RARRES1: variants seen among roughly 807,000 people sequenced by gnomAD.
RARRES1 encodes the protein retinoic acid receptor responder protein 1.
Under a neutral mutation model 30.6 loss-of-function variants are expected in RARRES1, and 34 were observed. The ratio of observed to expected loss-of-function variants is 1.11; its 90% confidence interval spans 0.84 to 1.48. The LOEUF (loss-of-function observed/expected upper bound fraction) is 1.48, where lower values mean the gene tolerates loss of function less well. Among genes scored for constraint, RARRES1 ranks in the 40% most tolerant of loss-of-function variants. The pLI, the probability that RARRES1 is intolerant of heterozygous loss-of-function variation, is 0.00. For synonymous variants in RARRES1, 153 were observed against 155.5 expected, an observed-to-expected ratio of 0.98 and a Z score of 0.12; for missense variants, 373 against 386.5, an observed-to-expected ratio of 0.97 and a Z score of 0.29.
Position 158,697,950 on chromosome 3 carries a change from A to ACATGGGCACCCGCAAAC in RARRES1, c.692_693insGTTTGCGGGTGCCCATG (p.Ile231MetfsTer23). ...GAAGTAGAACAGTATAATCAAAATC[A>ACATGGGCACCCGCAAAC]ATTGTATCATCATTAGTTTTCTAGA... On this transcript the variant is annotated frameshift_variant, in exon 5 of 6. Coordinates refer to ENST00000237696, the MANE Select transcript of RARRES1 (RefSeq NM_206963.2). LOFTEE classifies it high-confidence loss of function. The ACATGGGCACCCGCAAAC allele has an allele frequency of 1.3e-6, 2 of 1,533,378 alleles. No individual in the cohort carries two copies. Among genetic ancestry groups the ACATGGGCACCCGCAAAC allele is most frequent in the Non-Finnish European group, 1.8e-6 (2 of 1,109,558 alleles). The allele number at this position is 1,533,378 out of a possible 1,614,324, so 95.0% of individuals were successfully genotyped here. A position where few individuals can be genotyped will look rare whatever the true frequency, so the allele number is the denominator to read the frequency against.
At position 158,732,191 on chromosome 3, in the gene RARRES1, G is replaced by T; in HGVS notation, c.225C>A (p.Gly75=). Reference sequence around the variant, plus strand: ...CCAGCACTCGTAGCGCGCTGGGCGAGCCGGACCGGAAGTTGAAGAAGTGAA... The same window carrying T: ...CCAGCACTCGTAGCGCGCTGGGCGATCCGGACCGGAAGTTGAAGAAGTGAA... ...AALHFFNFRS[G]SPSALRVLAE... Residue 75 remains glycine (G), a synonymous_variant, in exon 1 of 6, where the codon GGC becomes GGA. Coordinates refer to ENST00000237696, the MANE Select transcript of RARRES1 (RefSeq NM_206963.2). The T allele has an allele frequency of 7.0e-7, 1 of 1,423,452 alleles. No individual in the cohort carries two copies. The highest frequency in any genetic ancestry group is 1.5e-5 in the African/African-American group (1 of 66,950). The allele number at this position is 1,423,452 out of a possible 1,614,324, so 88.2% of individuals were successfully genotyped here. A position where few individuals can be genotyped will look rare whatever the true frequency, so the allele number is the denominator to read the frequency against.
At chr3:158,719,602 A>G (rs1692218840) in intron 1 of RARRES1, among the ~76,000 whole-genome samples, 1 of 151,780 alleles carries the variant, frequency 6.6e-6, no homozygotes, top group Admixed American at 6.6e-5. Flanking sequence ...TTTATAGATG[A>G]TTTTTGGCCC....
chr3:158,699,882 C>G (rs1448373801), intron 4 of RARRES1, among the ~76,000 whole-genome samples: 2 of 152,080 alleles, frequency 1.3e-5, no homozygotes, highest in Non-Finnish European at 2.9e-5. Context: ...GTGTGTTTAG[C>G]CTTGTTAGAC....
In RARRES1 at chr3:158,697,638, G is replaced by C. The variant is rs1420814756; in HGVS notation, c.*40C>G. ...TAGAAGAATGATTTATGCTAGTATA[G>C]TCACTTGTTTAGAAGTCGGAAAAAG... is the stretch of plus-strand genomic sequence containing the variant. On this transcript the variant is annotated 3_prime_UTR_variant, in exon 6 of 6. Transcript: ENST00000237696. 4 of 1,549,642 alleles carry C rather than the reference G, an allele frequency of 2.6e-6. No individual in the cohort carries two copies. Among genetic ancestry groups the C allele is most frequent in the Non-Finnish European group, 3.5e-6 (4 of 1,127,452 alleles).
intron 2 of RARRES1, among the ~76,000 whole-genome samples, chr3:158,712,936 G>A (rs548676073): frequency 3.9e-5 from 6 of 152,270 alleles, no homozygotes; most frequent in East Asian, 1.9e-4. Flanking sequence ...GGCATCTTTC[G>A]TACACTTTAA....
chr3:158,713,965 G>A, intron 1 of RARRES1, 106 bp from the exon 2 acceptor site: 6 of 1,021,252 alleles, frequency 5.9e-6, no homozygotes, highest in Middle Eastern at 2.1e-4. Flanking sequence ...GGTGGCTGTA[G>A]CATTTATACC....
chr3:158,717,981 A>AT (rs10663483), intron 1 of RARRES1, among the ~76,000 whole-genome samples: 27,396 of 144,352 alleles, frequency 0.19, 2,744 homozygotes, highest in Middle Eastern at 0.23. Flanking sequence ...TATTAAGACA[A>AT]TTTTTTTTTT....
At position 158,729,889 on chromosome 3, in the gene RARRES1, C is replaced by T. The variant is rs187853205; in HGVS notation, c.276+2251G>A. Among the ~76,000 whole-genome samples, 911 of 152,290 alleles carry T rather than the reference C, an allele frequency of 6.0e-3. 7 individuals carry two copies. Among genetic ancestry groups the T allele is most frequent in the Non-Finnish European group, 6.3e-3 (431 of 68,020 alleles). On this transcript the variant is annotated intron_variant, in intron 1 of 5. Transcript: ENST00000237696. ...GGTAACCAGGGAGCAAATCCTTAGA[C>T]GCCCCTTCTTTAGGCTCTGGGCATT... is the stretch of plus-strand genomic sequence containing the variant.
In RARRES1 at chr3:158,710,921, C is replaced by A; in HGVS notation, c.352G>T (p.Glu118Ter). The change falls in exon 3 of 6, where the codon GAA becomes TAA. Residue 118 changes from glutamate (E) to a stop codon, truncating the protein, a stop_gained. Transcript: ENST00000237696. LOFTEE classifies it high-confidence loss of function. ...CATTTCCCCAAACGTCCCTCACCTT[C>A]CTGAAGTAAAGACTGTGGAGTTAAA... ...ERYNPESLLQ[E>*]GEGRLGKCSA... 6.2e-7 allele frequency: 1 copy of A among 1,613,852 alleles called. No individual in the cohort carries two copies.
Position 158,726,967 on chromosome 3 carries a change from T to G in RARRES1, c.276+5173A>C, listed in dbSNP as rs151240541. ...ATTCTTGCTCTGAGATCTGGTTGTT[T>G]GAGGGTGTGGCAGCTCCCCACTTGC... On this transcript the variant is annotated intron_variant, in intron 1 of 5. Coordinates refer to ENST00000237696, the MANE Select transcript of RARRES1 (RefSeq NM_206963.2). Among the ~76,000 whole-genome samples, 487 of 152,262 alleles carry G rather than the reference T, an allele frequency of 3.2e-3. 1 individual carries two copies. The highest frequency in any genetic ancestry group is 0.011 in the African/African-American group (444 of 41,552).
chr3:158,728,921 C>G (rs1454293553), intron 1 of RARRES1, among the ~76,000 whole-genome samples: 3 of 152,158 alleles, frequency 2.0e-5, no homozygotes, highest in Non-Finnish European at 4.4e-5. Context: ...TGTCTACACT[C>G]TTCACTCAGG....
intron 3 of RARRES1, 131 bp downstream of exon 3, chr3:158,710,607 A>G: frequency 1.1e-5 from 9 of 842,056 alleles, no homozygotes; most frequent in Non-Finnish European, 1.6e-5. Flanking sequence ...TGTTTAAATT[A>G]TGAGGGATAC....
chr3:158,697,939 T>TAATCAA lies in RARRES1; in HGVS notation c.698_703dup (p.Phe233_Asp234dup). Reference sequence around the variant, plus strand: ...TGATAATTCATGAAGTAGAACAGTATAATCAAAATCAATTGTATCATCATT... The same window carrying TAATCAA: ...TGATAATTCATGAAGTAGAACAGTATAATCAAAATCAAAATCAATTGTATCATCATT... On this transcript the variant is annotated inframe_insertion, in exon 5 of 6. Coordinates refer to ENST00000237696, the MANE Select transcript of RARRES1 (RefSeq NM_206963.2). 1 of 1,542,082 alleles carries TAATCAA rather than the reference T, an allele frequency of 6.5e-7. No individual in the cohort carries two copies. The highest frequency in any genetic ancestry group is 9.0e-7 in the Non-Finnish European group (1 of 1,116,786).
rs1726612683 is a variant in RARRES1, at chr3:158,698,221, G to T, written c.673-251C>A. The T allele has an allele frequency of 1.1e-5, 5 of 445,424 alleles. No homozygotes were observed. The East Asian group carries it at 2.1e-4, about 19-fold the overall frequency. The allele number at this position is 445,424 out of a possible 1,614,324, so 27.6% of individuals were successfully genotyped here. A position where few individuals can be genotyped will look rare whatever the true frequency, so the allele number is the denominator to read the frequency against. On this transcript the variant is annotated intron_variant, in intron 4 of 5. Coordinates refer to ENST00000237696, the MANE Select transcript of RARRES1 (RefSeq NM_206963.2). ...TTCTGATGGAGACCAAAGTCTGTGGGAATAGGGAGATTCTTTTAACAACCT... is the reference window on the plus strand; with the variant it reads ...TTCTGATGGAGACCAAAGTCTGTGGTAATAGGGAGATTCTTTTAACAACCT...
chr3:158,730,970 A>G (rs1237753357), intron 1 of RARRES1, among the ~76,000 whole-genome samples: 10 of 151,828 alleles, frequency 6.6e-5, no homozygotes. Context: ...TTTAGTAGAG[A>G]CAGGGTTTCT....
chr3:158,706,936 A>C (rs1177277969), intron 3 of RARRES1, among the ~76,000 whole-genome samples: 1 of 152,184 alleles, frequency 6.6e-6, no homozygotes, highest in Non-Finnish European at 1.5e-5. Context: ...TGGGAGGCCA[A>C]GGGGGGTGGA....
At chr3:158,701,405 G>A (rs917822209) in intron 4 of RARRES1, among the ~76,000 whole-genome samples, 1 of 151,854 alleles carries the variant, frequency 6.6e-6, no homozygotes, top group Admixed American at 6.6e-5. Flanking sequence ...TTCATTTGGG[G>A]CTGTGAGTTT....
rs1726568833 is a variant in RARRES1 at position 158,697,052 on chromosome 3, T to A, written c.*626A>T. The A allele has an allele frequency of 1.3e-5, 2 of 152,246 alleles. No individual in the cohort carries two copies. Among genetic ancestry groups the A allele is most frequent in the African/African-American group, 2.4e-5 (1 of 41,466 alleles). The allele number at this position is 152,246 out of a possible 1,614,324, so 9.4% of individuals were successfully genotyped here. On this transcript the variant is annotated 3_prime_UTR_variant, in exon 6 of 6. Coordinates refer to ENST00000237696, the MANE Select transcript of RARRES1 (RefSeq NM_206963.2). ...ATTACCATTTCATTTAATTCCAGTT[T>A]AGCACAAATTTTTCCTTTGTATACA...
intron 3 of RARRES1, among the ~76,000 whole-genome samples, chr3:158,706,376 T>C (rs1294236776): frequency 6.6e-6 from 1 of 152,202 alleles, no homozygotes; most frequent in East Asian, 1.9e-4. Flanking sequence ...CGCCTTGAAT[T>C]GCTGTCATTT....
Sources: allele counts gnomAD v4.1 joint callset (sites outside exome capture counted in the v4.1 genomes callset), GRCh38; gene constraint gnomAD v4.1.1; transcripts MANE v1.5; gene names NCBI Gene and HGNC (gene_info 2026-07-23, HGNC 2026-07-21).